The following CTNNA3 variants were observed in gnomAD, a reference collection of about 807,000 sequenced individuals.
The protein encoded by CTNNA3 is catenin alpha-3.
A neutral mutation model predicts 95.7 loss-of-function variants in CTNNA3; 76 were observed. The observed-to-expected ratio is 0.79, with a 90% CI of 0.66 to 0.96. The LOEUF is 0.96. Ranked by LOEUF, CTNNA3 falls within the 40% of genes least tolerant of loss-of-function variation. CTNNA3 has a pLI of 0.00. For missense variants in CTNNA3, 1,191 were observed against 1,089.8 expected, an observed-to-expected ratio of 1.09 and a Z score of -1.31; for synonymous variants, 431 against 374.4, an observed-to-expected ratio of 1.15 and a Z score of -1.74.
At chr10:66,912,482 T>C (rs7087604) in intron 7 of CTNNA3, among the ~76,000 whole-genome samples, 12,803 of 152,134 alleles carry the variant, frequency 0.084, 647 homozygotes, top group African/African-American at 0.14. Flanking sequence ...AGAAGAAACA[T>C]TGGGCTCAGG....
At chr10:66,184,927 G>T (rs533112835) in intron 13 of CTNNA3, among the ~76,000 whole-genome samples, 5 of 152,226 alleles carry the variant, frequency 3.3e-5, no homozygotes, top group Non-Finnish European at 5.9e-5. Flanking sequence ...AATCTGATGT[G>T]CAGAACAACA....
Position 66,687,714 on chromosome 10 carries a change from T to TACAC in CTNNA3, c.1282-65931_1282-65930insGTGT, listed in dbSNP as rs1439389049. Reference sequence around the variant, plus strand: ...CTGTATTGATTCATATATATATATATATATACACACACACACACATACACA... The same window carrying TACAC: ...CTGTATTGATTCATATATATATATATACACATATACACACACACACACATACACA... On this transcript the variant is annotated intron_variant, in intron 9 of 17. Transcript: ENST00000433211. Among the ~76,000 whole-genome samples, 428 of 128,444 alleles carry TACAC rather than the reference T, an allele frequency of 3.3e-3. 6 individuals are homozygous for TACAC. The highest frequency in any genetic ancestry group is 0.013 in the African/African-American group (382 of 30,194). 84.3% of individuals were successfully genotyped at this position (128,444 alleles called of 152,430 possible). A position where few individuals can be genotyped will look rare whatever the true frequency, so the allele number is the denominator to read the frequency against.
chr10:66,480,831 CTGACCTCG>C (rs1839496827), intron 11 of CTNNA3, among the ~76,000 whole-genome samples: 1 of 152,064 alleles, frequency 6.6e-6, no homozygotes, highest in Admixed American at 6.6e-5. Context: ...TCTCGATCTC[CTGACCTCG>C]TGATCCACTC....
intron 7 of CTNNA3, among the ~76,000 whole-genome samples, chr10:67,015,713 CTTTT>C (rs1340644822): frequency 6.6e-6 from 1 of 151,628 alleles, no homozygotes; most frequent in African/African-American, 2.4e-5. Flanking sequence ...CAATTTTCTT[CTTTT>C]TATTTTTTAT....
intron 9 of CTNNA3, among the ~76,000 whole-genome samples, chr10:66,624,368 C>T (rs1202964539): frequency 6.6e-6 from 1 of 151,992 alleles, no homozygotes; most frequent in Non-Finnish European, 1.5e-5. Flanking sequence ...GAATTGCCTT[C>T]CATTTAATCT....
At chr10:67,685,852 G>T (rs1022900296) in intron 1 of CTNNA3, among the ~76,000 whole-genome samples, 7 of 151,342 alleles carry the variant, frequency 4.6e-5, no homozygotes, top group Admixed American at 4.6e-4. Context: ...TTGACTTTCT[G>T]TCTCTCTGTA....
chr10:67,258,114 T>G (rs1564517087), intron 5 of CTNNA3, among the ~76,000 whole-genome samples: 2 of 152,276 alleles, frequency 1.3e-5, no homozygotes, highest in South Asian at 2.1e-4. Flanking sequence ...CTGCATTTCC[T>G]TGCTCATTTC....
chr10:67,622,638 C>T (rs952123577), intron 2 of CTNNA3, among the ~76,000 whole-genome samples: 1 of 152,162 alleles, frequency 6.6e-6, no homozygotes, highest in Non-Finnish European at 1.5e-5. Flanking sequence ...TGGACTTGTA[C>T]TATTTTAATC....
At chr10:66,425,672 A>C (rs900678032) in intron 11 of CTNNA3, among the ~76,000 whole-genome samples, 1 of 137,164 alleles carries the variant, frequency 7.3e-6, no homozygotes, top group Non-Finnish European at 1.6e-5. Flanking sequence ...TTCTTCATAT[A>C]AAGATATATA....
chr10:67,192,445 C>T lies in CTNNA3; in HGVS notation c.844-11925G>A, dbSNP rs148829585. On this transcript the variant is annotated intron_variant, in intron 6 of 17. Coordinates refer to ENST00000433211, the MANE Select transcript of CTNNA3 (RefSeq NM_013266.4). ...TAATCCAATTAAAAATAAGTAAAGG[C>T]GCTGAATATACATTTCTGAAAAAGA... Among the ~76,000 whole-genome samples the T allele has an allele frequency of 5.9e-3, 889 of 151,652 alleles. 15 individuals are homozygous for T. Among genetic ancestry groups the T allele is most frequent in the African/African-American group, 0.02 (827 of 41,444 alleles).
chr10:66,025,658 G>A (rs1425763969), intron 15 of CTNNA3, among the ~76,000 whole-genome samples: 2 of 152,136 alleles, frequency 1.3e-5, no homozygotes, highest in Non-Finnish European at 2.9e-5. Flanking sequence ...GCATCAGGCA[G>A]AAATGGTGAT....
At chr10:66,512,974 G>T (rs1840714337) in intron 11 of CTNNA3, among the ~76,000 whole-genome samples, 1 of 151,766 alleles carries the variant, frequency 6.6e-6, no homozygotes, top group Non-Finnish European at 1.5e-5. Context: ...ACTATCATGT[G>T]CCTCATAGAA....
chr10:66,646,060 C>A (rs1311337039), intron 9 of CTNNA3, among the ~76,000 whole-genome samples: 1 of 152,166 alleles, frequency 6.6e-6, no homozygotes, highest in African/African-American at 2.4e-5. Flanking sequence ...ATTTAGACCA[C>A]ATGCATTTAT....
chr10:66,789,453 G>A (rs537840259), intron 7 of CTNNA3, among the ~76,000 whole-genome samples: 73 of 152,230 alleles, frequency 4.8e-4, no homozygotes, highest in African/African-American at 1.6e-3. Flanking sequence ...GGGATTACAG[G>A]TGTGAGCCAC....
chr10:66,783,493 G>C (rs994080779), intron 7 of CTNNA3, among the ~76,000 whole-genome samples: 1 of 152,078 alleles, frequency 6.6e-6, no homozygotes, highest in Non-Finnish European at 1.5e-5. Context: ...AATCCTTTTG[G>C]TTTTGTGATG....
At chr10:66,846,372 T>G (rs1033943935) in intron 7 of CTNNA3, among the ~76,000 whole-genome samples, 4 of 152,058 alleles carry the variant, frequency 2.6e-5, no homozygotes, top group Non-Finnish European at 4.4e-5. Flanking sequence ...GATAAATAAG[T>G]TTTGGAGATC....
At chr10:66,847,305 A>T (rs889610210) in intron 7 of CTNNA3, among the ~76,000 whole-genome samples, 2 of 152,208 alleles carry the variant, frequency 1.3e-5, no homozygotes, top group Admixed American at 6.5e-5. Flanking sequence ...TTTCAGGGCT[A>T]TATCTATCAT....
intron 7 of CTNNA3, among the ~76,000 whole-genome samples, chr10:66,912,660 C>T (rs1352615392): frequency 6.6e-6 from 1 of 151,990 alleles, no homozygotes; most frequent in Non-Finnish European, 1.5e-5. Flanking sequence ...AGATATAACC[C>T]CCAAGAACGG....
intron 7 of CTNNA3, among the ~76,000 whole-genome samples, chr10:67,114,709 G>GGTGTGTGTGTGTGTGTGTGTGTGTGTGT (rs56772381): frequency 2.2e-4 from 32 of 144,752 alleles, no homozygotes; most frequent in African/African-American, 4.4e-4. Context: ...GGTTCTTAAA[G>GGTGTGTGTGTGTGTGTGTGTGTGTGTGT]GTGTGTGTGT....
Sources: gnomAD v4.1 joint callset for allele counts (sites outside exome capture counted in the v4.1 genomes callset) on GRCh38, gnomAD v4.1.1 for gene constraint, MANE v1.5 for transcripts, NCBI Gene and HGNC (gene_info 2026-07-23, HGNC 2026-07-21) for gene names.